The following GFM1 variants were observed in gnomAD, a reference collection of about 807,000 sequenced individuals.
GFM1 encodes the protein elongation factor G, mitochondrial.
GFM1 carries 62 observed loss-of-function variants against 96.2 expected under a neutral mutation model. That is an observed-to-expected ratio of 0.64 (90% CI 0.53 to 0.80). The LOEUF (loss-of-function observed/expected upper bound fraction) is 0.80. Among genes scored for constraint, GFM1 ranks in the 30% least tolerant of loss-of-function variants. The pLI, the probability that GFM1 is intolerant of heterozygous loss-of-function variation, is 0.00. For missense variants in GFM1, 852 were observed against 916.6 expected (o/e 0.93, Z 0.91); for synonymous variants, 282 against 312.9 (o/e 0.90, Z 1.04).
intron 13 of GFM1, among the ~76,000 whole-genome samples, chr3:158,668,827 C>T (rs1252750425): frequency 6.6e-6 from 1 of 152,218 alleles, no homozygotes; most frequent in African/African-American, 2.4e-5. Context: ...ACTCTTCCTA[C>T]AATTCTTCAC....
chr3:158,679,421 T>G (rs771629761), intron 13 of GFM1, among the ~76,000 whole-genome samples: 23 of 152,328 alleles, frequency 1.5e-4, no homozygotes, highest in Non-Finnish European at 2.5e-4. Flanking sequence ...AAAAATGTAT[T>G]TGTAATGTAC....
chr3:158,665,468 T>A lies in GFM1; in HGVS notation c.1512T>A (p.Tyr504Ter). The A allele has an allele frequency of 6.2e-7, 1 of 1,609,726 alleles. No individual in the cohort carries two copies. Among genetic ancestry groups the A allele is most frequent in the Non-Finnish European group, 8.5e-7 (1 of 1,176,526 alleles). ...TGGGAGAATTACACCTGGAAATCTATGCTCAGGTAATGAATAATAAGGAAG... is the reference window on the plus strand; with the variant it reads ...TGGGAGAATTACACCTGGAAATCTAAGCTCAGGTAATGAATAATAAGGAAG... ...SGMGELHLEIYAQRLEREYGC... is the reference protein window; with the variant it reads ...SGMGELHLEI Residue 504 changes from tyrosine (Y) to a stop codon, truncating the protein, a stop_gained, in exon 12 of 18, where the codon TAT (tyrosine) becomes TAA (stop). Coordinates refer to ENST00000486715, the MANE Select transcript of GFM1 (RefSeq NM_024996.7). LOFTEE classifies it high-confidence loss of function.
intron 13 of GFM1, among the ~76,000 whole-genome samples, chr3:158,680,168 A>G (rs1725247653): frequency 6.6e-6 from 1 of 152,204 alleles, no homozygotes; most frequent in Non-Finnish European, 1.5e-5. Context: ...TAAAAAAAAT[A>G]GATTTAGTGG....
intron 13 of GFM1, chr3:158,666,780 C>T: frequency 6.3e-7 from 1 of 1,576,682 alleles, no homozygotes; most frequent in Non-Finnish European, 8.7e-7. Context: ...TGATAAAATT[C>T]AGAAAACATT....
At chr3:158,669,496 C>G in intron 13 of GFM1, 1 of 1,613,932 alleles carries the variant, frequency 6.2e-7, no homozygotes, top group Non-Finnish European at 8.5e-7. Context: ...AATGTGTTGT[C>G]TTCTTCATCT....
intron 13 of GFM1, chr3:158,669,151 A>G: frequency 1.2e-6 from 2 of 1,604,208 alleles, no homozygotes; most frequent in African/African-American, 1.3e-5. Context: ...AGACACATTT[A>G]TATGATAATC....
At chr3:158,680,106 A>T (rs571468261) in intron 13 of GFM1, among the ~76,000 whole-genome samples, 6 of 152,206 alleles carry the variant, frequency 3.9e-5, no homozygotes, top group African/African-American at 1.4e-4. Context: ...ATGTATATAT[A>T]TTTTTCGTTG....
At chr3:158,670,823 T>G in intron 13 of GFM1, 2 of 1,230,000 alleles carry the variant, frequency 1.6e-6, no homozygotes, top group Non-Finnish European at 1.0e-6. Context: ...GTCCCAGCTA[T>G]TTGGGGAGGC....
At position 158,690,253 on chromosome 3, in the gene GFM1, G is replaced by A; in HGVS notation, c.2000G>A (p.Gly667Glu). 6.2e-7 allele frequency: 1 copy of A among 1,613,884 alleles called. No homozygotes were observed. Among genetic ancestry groups the A allele is most frequent in the Non-Finnish European group, 8.5e-7 (1 of 1,179,844 alleles). Residue 667 changes from glycine to glutamate, a missense_variant, in exon 16 of 18, where the codon GGA (glycine) becomes GAA (glutamate). Physicochemically the swap from Gly to Glu is moderately conservative, Grantham distance 98. Transcript: ENST00000486715. Reference protein sequence around the residue: ...PNEFQGQVIAGINRRHGVITG... With the variant: ...PNEFQGQVIAEINRRHGVITG... The stretch of plus-strand genomic sequence containing the variant: ...GAATTTCAGGGACAAGTAATTGCAG[G>A]AATTAACCGACGCCATGGGGTAATC...
chr3:158,662,974 T>C (rs1051984853), intron 11 of GFM1, among the ~76,000 whole-genome samples: 3 of 152,180 alleles, frequency 2.0e-5, no homozygotes, highest in Non-Finnish European at 4.4e-5. Context: ...ATTCAGATCA[T>C]ACACAATTGG....
chr3:158,654,422 T>C (rs1722570301), intron 7 of GFM1, 125 bp from the exon 8 acceptor site: 6 of 639,040 alleles, frequency 9.4e-6, no homozygotes, highest in Admixed American at 2.5e-5. Context: ...ATTTTACTTA[T>C]GTGTGACAGC....
chr3:158,649,999 C>G, intron 5 of GFM1: 2 of 1,535,470 alleles, frequency 1.3e-6, no homozygotes, highest in East Asian at 2.4e-5. Context: ...GGTCGTTTCT[C>G]CACAGGCACT....
chr3:158,682,101 T>C lies in GFM1; in HGVS notation c.1708T>C (p.Ser570Pro). 6.2e-7 allele frequency: 1 copy of C among 1,613,866 alleles called. No homozygotes were observed. The highest frequency in any genetic ancestry group is 8.5e-7 in the Non-Finnish European group (1 of 1,179,862). Residue 570 changes from serine to proline, a missense_variant, in exon 14 of 18, where the codon TCA (serine) becomes CCA (proline). Physicochemically the swap from Ser to Pro is moderately conservative, Grantham distance 74. Coordinates refer to ENST00000486715, the MANE Select transcript of GFM1 (RefSeq NM_024996.7). Reference protein sequence around the residue: ...DPEDYTKLEFSDETFGSNIPK... With the variant: ...DPEDYTKLEFPDETFGSNIPK... ...AGAGGACTACACTAAATTGGAATTT[T>C]CAGATGAAACATTCGGATCAAATAT...
intron 13 of GFM1, chr3:158,669,648 G>A: frequency 6.4e-7 from 1 of 1,552,794 alleles, no homozygotes; most frequent in Non-Finnish European, 8.8e-7. Context: ...ATATACAGAA[G>A]GCTATTCATT....
Position 158,644,578 on chromosome 3 carries a change from A to G in GFM1, c.-57A>G. 7.0e-7 allele frequency: 1 copy of G among 1,430,120 alleles called. No homozygotes were observed. 88.6% of individuals were successfully genotyped at this position (1,430,120 alleles called of 1,614,324 possible). On this transcript the variant is annotated 5_prime_UTR_variant, in exon 1 of 18. Coordinates refer to ENST00000486715, the MANE Select transcript of GFM1 (RefSeq NM_024996.7). ...GACTTTGACCGCTTCCCGGTGCGTTACCGGCAGCTGAACCCACCCGGCGCC... is the reference window on the plus strand; with the variant it reads ...GACTTTGACCGCTTCCCGGTGCGTTGCCGGCAGCTGAACCCACCCGGCGCC...
intron 5 of GFM1, 161 bp downstream of exon 5, chr3:158,649,318 C>G: frequency 1.9e-6 from 1 of 521,368 alleles, no homozygotes; most frequent in Non-Finnish European, 3.4e-6. Flanking sequence ...CTAGTCGCTC[C>G]CCATTTTATT....
chr3:158,686,279 A>C (rs1462633967), intron 15 of GFM1, among the ~76,000 whole-genome samples: 2 of 148,068 alleles, frequency 1.4e-5, no homozygotes, highest in African/African-American at 4.9e-5. Flanking sequence ...AATATATATA[A>C]ACCATATAAA....
intron 11 of GFM1, 72 bp downstream of exon 11, chr3:158,662,756 C>A: frequency 1.1e-6 from 1 of 873,206 alleles, no homozygotes; most frequent in Non-Finnish European, 2.0e-6. Flanking sequence ...CTCTACAATG[C>A]ACTTGATATC....
intron 15 of GFM1, chr3:158,685,310 G>C (rs1001408571): frequency 6.6e-6 from 1 of 152,230 alleles, no homozygotes; most frequent in Non-Finnish European, 1.5e-5. Context: ...GATTATTCAA[G>C]AAAGGAACTT....
Sources: allele counts gnomAD v4.1 joint callset (sites outside exome capture counted in the v4.1 genomes callset), GRCh38; gene constraint gnomAD v4.1.1; transcripts MANE v1.5; gene names NCBI Gene and HGNC (gene_info 2026-07-23, HGNC 2026-07-21).